AJUBA: variants seen among roughly 807,000 people sequenced by gnomAD.
The protein encoded by AJUBA is ajuba LIM protein, also known as LIM domain-containing protein ajuba.
AJUBA carries 20 observed loss-of-function variants against 53.3 expected under a neutral mutation model. That is an observed-to-expected ratio of 0.38 (90% CI 0.26 to 0.55). AJUBA has a LOEUF of 0.55. Ranked by LOEUF, AJUBA falls within the 20% of genes least tolerant of loss-of-function variation. The pLI is 0.80. For missense variants in AJUBA, 580 were observed against 730.5 expected, an observed-to-expected ratio of 0.79 and a Z score of 2.38; for synonymous variants, 296 against 306.2, an observed-to-expected ratio of 0.97 and a Z score of 0.35.
intron 1 of AJUBA, among the ~76,000 whole-genome samples, chr14:22,980,921 G>C (rs766260482): frequency 3.3e-5 from 5 of 152,228 alleles, no homozygotes; most frequent in South Asian, 4.1e-4. Flanking sequence ...GCCGTGAAAG[G>C]GGGGAGCAAG....
rs112290523 is a variant in AJUBA, at chr14:22,979,290, G to A, written c.1007-845C>T. The A allele has an allele frequency of 3.6e-4, 139 of 384,602 alleles. No homozygotes were observed. Among genetic ancestry groups the A allele is most frequent in the African/African-American group, 2.8e-3 (128 of 45,662 alleles). The allele number at this position is 384,602 out of a possible 1,614,324, so 23.8% of individuals were successfully genotyped here. The stretch of plus-strand genomic sequence containing the variant: ...TTCCAGGCCCATGAGTGAGGGCTAG[G>A]GCCTGTCTTTGGGGAGCAGATCCCA... On this transcript the variant is annotated intron_variant, in intron 1 of 7. Transcript: ENST00000262713. This position sits in a 1 kb window ranked among gnomAD's most constrained non-coding sequence, Gnocchi z 4.0.
intron 7 of AJUBA, 46 bp downstream of exon 7, chr14:22,974,000 TC>T: frequency 6.2e-7 from 1 of 1,609,196 alleles, no homozygotes. Context: ...TCCTCCCCTC[TC>T]CCCATTTCCA....
intron 1 of AJUBA, 141 bp from the exon 2 acceptor site, chr14:22,978,586 G>A (rs2045059612): frequency 2.8e-6 from 4 of 1,428,740 alleles, no homozygotes; most frequent in East Asian, 2.6e-5. Context: ...AAGATAACGA[G>A]TAATGAGATG....
At position 22,973,321 on chromosome 14, in the gene AJUBA, C is replaced by T; in HGVS notation, c.*122G>A. On this transcript the variant is annotated 3_prime_UTR_variant, in exon 8 of 8. Coordinates refer to ENST00000262713, the MANE Select transcript of AJUBA (RefSeq NM_032876.6). ...TCTTTGGGTCTCCGGCCCTTGGGGT[C>T]CTCCCCAGAGGACTCTTCTGCCAGG... 3 of 1,395,672 alleles carry T rather than the reference C, an allele frequency of 2.1e-6. No individual in the cohort carries two copies. Among genetic ancestry groups the T allele is most frequent in the Non-Finnish European group, 2.9e-6 (3 of 1,036,960 alleles). 86.5% of individuals were successfully genotyped at this position (1,395,672 alleles called of 1,614,324 possible).
intron 6 of AJUBA, 51 bp downstream of exon 6, chr14:22,974,788 C>T (rs780826685): frequency 3.8e-6 from 6 of 1,578,724 alleles, no homozygotes; most frequent in South Asian, 1.2e-5. Context: ...CTATCCCCTC[C>T]CCAAAGGCAG....
chr14:22,982,288 C>T lies in AJUBA; in HGVS notation c.-22G>A, dbSNP rs971658442. ...CCATGCCCTCGGGCCTGGGGCCTCT[C>T]GCCCCCTCCCCGCCTGGCACCCTGC... On this transcript the variant is annotated 5_prime_UTR_variant, in exon 1 of 8. Coordinates refer to ENST00000262713, the MANE Select transcript of AJUBA (RefSeq NM_032876.6). The T allele has an allele frequency of 3.1e-6, 5 of 1,608,318 alleles. No individual in the cohort carries two copies. The highest frequency in any genetic ancestry group is 1.3e-5 in the African/African-American group (1 of 74,586).
chr14:22,974,740 G>C, intron 6 of AJUBA, 99 bp downstream of exon 6: 2 of 1,355,692 alleles, frequency 1.5e-6, no homozygotes, highest in Non-Finnish European at 2.0e-6. Context: ...ACATTCCTTG[G>C]CACTACCACT....
At chr14:22,976,945 G>A in intron 2 of AJUBA, 3 of 1,393,938 alleles carry the variant, frequency 2.2e-6, no homozygotes, top group Non-Finnish European at 2.8e-6. Context: ...TCCAGCTCCT[G>A]CCTCCTTAAC....
At position 22,974,985 on chromosome 14, in the gene AJUBA, G is replaced by A. The variant is rs771132963; in HGVS notation, c.1359C>T (p.Thr453=). 35 of 1,614,082 alleles carry A rather than the reference G, an allele frequency of 2.2e-5. 1 individual carries two copies. The highest frequency in any genetic ancestry group is 2.8e-5 in the Non-Finnish European group (33 of 1,180,036). Residue 453 remains threonine, a synonymous_variant, in exon 5 of 8, where the codon ACC becomes ACT. Coordinates refer to ENST00000262713, the MANE Select transcript of AJUBA (RefSeq NM_032876.6). The part of the protein sequence containing the change: ...VDFSNQVYCV[T]DYHKNYAPKC... ...AGGGGCAGACTCACTTGTGGTAGTC[G>A]GTGACACAGTATACTTGGTTGGAGA... is the stretch of plus-strand genomic sequence containing the variant.
Position 22,981,999 on chromosome 14 carries a change from G to C in AJUBA, c.268C>G (p.Pro90Ala). ...GCCCGGGTGGGCGGCGGCCCCGCGG[G>C]AAAAGAGCCTTCGTAGCGCGGCGCC... ...FEAPRYEGSF[P>A]AGPPPTRALP... is the part of the protein sequence containing the mutation. Residue 90 changes from proline to alanine, a missense_variant, in exon 1 of 8, where the codon CCC becomes GCC. This residue lies in a region of AJUBA where 430 missense variants were observed against 471.5 expected (regional missense o/e 0.91). Transcript: ENST00000262713. 1.3e-6 allele frequency: 2 copies of C among 1,583,984 alleles called. No homozygotes were observed. Among genetic ancestry groups the C allele is most frequent in the South Asian group, 2.3e-5 (2 of 87,644 alleles).
intron 1 of AJUBA, 40 bp from the exon 2 acceptor site, chr14:22,978,485 A>G (rs1423569462): frequency 6.3e-7 from 1 of 1,589,368 alleles, no homozygotes; most frequent in Non-Finnish European, 8.6e-7. Context: ...CCCCCAGGTC[A>G]AAACCAGGGA....
Position 22,982,168 on chromosome 14 carries a change from C to G in AJUBA, c.99G>C (p.Pro33=). 1 of 1,612,940 alleles carries G rather than the reference C, an allele frequency of 6.2e-7. No homozygotes were observed. Among genetic ancestry groups the G allele is most frequent in the Non-Finnish European group, 8.5e-7 (1 of 1,179,504 alleles). The part of the protein sequence containing the change: ...SRSGSDGTPG[P]GKGRLSGLGG... ...CCAACCCACTTAGGCGCCCCTTGCCCGGCCCGGGGGTCCCGTCAGACCCAG... is the reference window on the plus strand; with the variant it reads ...CCAACCCACTTAGGCGCCCCTTGCCGGGCCCGGGGGTCCCGTCAGACCCAG... The change falls in exon 1 of 8, where the codon CCG becomes CCC. Residue 33 remains proline, a synonymous_variant. Transcript: ENST00000262713.
intron 4 of AJUBA, 197 bp from the exon 5 acceptor site, chr14:22,975,301 G>C (rs996717631): frequency 1.7e-5 from 11 of 639,666 alleles, no homozygotes; most frequent in South Asian, 1.2e-4. Context: ...ATTCAGGCCA[G>C]CAGTGTTTCA....
In AJUBA at chr14:22,981,302, C is replaced by T; in HGVS notation, c.965G>A (p.Arg322Gln). ...PPGPFVPEAA[R>Q]ARMREPEARE... Reference sequence around the variant, plus strand: ...GGCCTCTGGCTCCCGCATCCGGGCCCGGGCGGCCTCCGGAACGAAAGGACC... The same window carrying T: ...GGCCTCTGGCTCCCGCATCCGGGCCTGGGCGGCCTCCGGAACGAAAGGACC... The change falls in exon 1 of 8, where the codon CGG (arginine) becomes CAG (glutamine). Residue 322 changes from arginine to glutamine, a missense_variant. Coordinates refer to ENST00000262713, the MANE Select transcript of AJUBA (RefSeq NM_032876.6). The T allele has an allele frequency of 1.9e-6, 3 of 1,611,612 alleles. No homozygotes were observed. Among genetic ancestry groups the T allele is most frequent in the Non-Finnish European group, 2.5e-6 (3 of 1,178,472 alleles).
chr14:22,982,436 C>A lies in AJUBA; in HGVS notation c.-170G>T. 7.0e-7 allele frequency: 1 copy of A among 1,435,398 alleles called. No homozygotes were observed. The highest frequency in any genetic ancestry group is 9.1e-7 in the Non-Finnish European group (1 of 1,102,978). The allele number at this position is 1,435,398 out of a possible 1,614,324, so 88.9% of individuals were successfully genotyped here. ...TGCGCCAGGAATCCCACAGCATCCCCCAGCGGGAGGGGCTGCGTCCCCCCG... is the reference window on the plus strand; with the variant it reads ...TGCGCCAGGAATCCCACAGCATCCCACAGCGGGAGGGGCTGCGTCCCCCCG... On this transcript the variant is annotated 5_prime_UTR_variant, in exon 1 of 8. Coordinates refer to ENST00000262713, the MANE Select transcript of AJUBA (RefSeq NM_032876.6).
intron 6 of AJUBA, among the ~76,000 whole-genome samples, 172 bp from the exon 7 acceptor site, chr14:22,974,287 TCTC>T (rs1398887499): frequency 6.6e-6 from 1 of 152,004 alleles, no homozygotes; most frequent in African/African-American, 2.4e-5. Context: ...AGAACTCTCA[TCTC>T]CTTCACTGGG....
chr14:22,977,004 A>G, intron 2 of AJUBA: 2 of 1,291,782 alleles, frequency 1.5e-6, no homozygotes, highest in Non-Finnish European at 2.0e-6. Context: ...TCTCCAGTGC[A>G]TAGGAAGCCA....
rs899752385 is a variant in AJUBA at position 22,974,899 on chromosome 14, G to C, written c.1371-9C>G. On this transcript the variant is annotated splice_polypyrimidine_tract_variant and intron_variant, in intron 5 of 7. Transcript: ENST00000262713. ...ACTTAGGAGCATAATTTCTGAAAGA[G>C]AGAGGGAAGAGATGAGCTGAGGCTG... is the stretch of plus-strand genomic sequence containing the variant. 3.7e-6 allele frequency: 6 copies of C among 1,613,888 alleles called. No homozygotes were observed. The African/African-American group carries it at 5.3e-5, about 14-fold the overall frequency.
At position 22,978,450 on chromosome 14, in the gene AJUBA, G is replaced by A; in HGVS notation, c.1007-5C>T. 1.2e-6 allele frequency: 2 copies of A among 1,609,016 alleles called. No individual in the cohort carries two copies. The highest frequency in any genetic ancestry group is 8.5e-7 in the Non-Finnish European group (1 of 1,175,804). On this transcript the variant is annotated splice_region_variant and splice_polypyrimidine_tract_variant and intron_variant, in intron 1 of 7. Transcript: ENST00000262713. ...TGTTGCACTTGATACAGGTGCCTGA[G>A]AAGAGAAAAGTGTCACACTCTACTC...
Sources: gnomAD v4.1 joint callset for allele counts (sites outside exome capture counted in the v4.1 genomes callset) on GRCh38, gnomAD v4.1.1 for gene constraint, gnomAD v4.1.1 regional missense constraint, Gnocchi (gnomAD v3.1) non-coding constraint, MANE v1.5 for transcripts, NCBI Gene and HGNC (gene_info 2026-07-23, HGNC 2026-07-21) for gene names.